TECRL: variants seen among roughly 807,000 people sequenced by gnomAD.
The protein encoded by TECRL is trans-2,3-enoyl-CoA reductase like.
In TECRL, 63 loss-of-function variants were observed where a neutral mutation model predicts 52.8. The observed-to-expected ratio is 1.19, with a 90% CI of 0.97 to 1.47. The LOEUF (loss-of-function observed/expected upper bound fraction) is 1.47, where lower values mean the gene tolerates loss of function less well. Ranked by LOEUF, TECRL falls within the 40% of genes most tolerant of loss-of-function variation. The probability of loss-of-function intolerance (pLI) is 0.00; values close to 1 mark genes in which losing one functional copy is unlikely to be tolerated. For synonymous variants in TECRL, 164 were observed against 141.9 expected (o/e 1.16, Z -1.10); for missense variants, 482 against 429.6 (o/e 1.12, Z -1.08).
intron 2 of TECRL, among the ~76,000 whole-genome samples, chr4:64,333,877 AGCCGGGCGCGGTG>A: frequency 7.6e-6 from 1 of 131,470 alleles, no homozygotes; most frequent in East Asian, 2.1e-4. Flanking sequence ...AAAAAAAATT[AGCCGGGCGCGGTG>A]GCGGGCGCCT....
chr4:64,387,444 A>G (rs1038228950), intron 1 of TECRL, among the ~76,000 whole-genome samples: 4 of 152,142 alleles, frequency 2.6e-5, no homozygotes, highest in Non-Finnish European at 5.9e-5. Flanking sequence ...TGACTGCTGT[A>G]CTGTATGGTA....
intron 2 of TECRL, among the ~76,000 whole-genome samples, chr4:64,370,325 A>G (rs1304512397): frequency 6.6e-6 from 1 of 151,894 alleles, no homozygotes; most frequent in Non-Finnish European, 1.5e-5. Flanking sequence ...TCTCCAAAAA[A>G]AAAGTAGATT....
intron 8 of TECRL, among the ~76,000 whole-genome samples, chr4:64,294,961 A>G (rs1723597292): frequency 6.6e-6 from 1 of 151,938 alleles, no homozygotes; most frequent in African/African-American, 2.4e-5. Flanking sequence ...GCTTTTGACA[A>G]TATAAGCCAG....
At chr4:64,332,905 G>A (rs866692182) in intron 2 of TECRL, among the ~76,000 whole-genome samples, 10 of 152,104 alleles carry the variant, frequency 6.6e-5, no homozygotes, top group African/African-American at 2.4e-4. Context: ...GAATAAAAAA[G>A]TTAAAGAAAA....
rs559122697 is a variant in TECRL at position 64,281,800 on chromosome 4, C to A, written c.833-241G>T. Reference sequence around the variant, plus strand: ...TGTCTACAGCTATGTTGCTGTAACACTGCAGAGTACATAAGGATAATCAAT... The same window carrying A: ...TGTCTACAGCTATGTTGCTGTAACAATGCAGAGTACATAAGGATAATCAAT... On this transcript the variant is annotated intron_variant, in intron 9 of 11. Coordinates refer to ENST00000381210, the MANE Select transcript of TECRL (RefSeq NM_001010874.5). Among the ~76,000 whole-genome samples, 8 of 151,956 alleles carry A rather than the reference C, an allele frequency of 5.3e-5. No homozygotes were observed. In the East Asian group the frequency reaches 1.3e-3, roughly 26 times the overall value.
At position 64,344,271 on chromosome 4, in the gene TECRL, ATATC is replaced by A. The variant is rs544948392; in HGVS notation, c.287-15719_287-15716del. On this transcript the variant is annotated intron_variant, in intron 2 of 11. Coordinates refer to ENST00000381210, the MANE Select transcript of TECRL (RefSeq NM_001010874.5). ...TTATATCTCTATATAACCTATGTCT[ATATC>A]TATCTATAAGATTCTATATCTATAC... Among the ~76,000 whole-genome samples, 646 of 152,184 alleles carry A rather than the reference ATATC, an allele frequency of 4.2e-3. 2 individuals are homozygous for A. The highest frequency in any genetic ancestry group is 7.1e-3 in the Non-Finnish European group (483 of 67,962).
chr4:64,385,639 G>C (rs763022850), intron 1 of TECRL, among the ~76,000 whole-genome samples: 1 of 152,102 alleles, frequency 6.6e-6, no homozygotes, highest in Non-Finnish European at 1.5e-5. Flanking sequence ...TGCAGGGGTT[G>C]TTGGGCCCCA....
At chr4:64,386,074 T>C (rs1658761900) in intron 1 of TECRL, among the ~76,000 whole-genome samples, 1 of 152,160 alleles carries the variant, frequency 6.6e-6, no homozygotes, top group South Asian at 2.1e-4. Context: ...CAGGTGCCTC[T>C]AGTCAGCCAT....
At position 64,343,133 on chromosome 4, in the gene TECRL, T is replaced by G. The variant is rs142124522; in HGVS notation, c.287-14577A>C. Reference sequence around the variant, plus strand: ...ATGAAAATGTGTGTAAGAATGAGTTTCCAGTGCTTAAATTAACAAAGATAA... The same window carrying G: ...ATGAAAATGTGTGTAAGAATGAGTTGCCAGTGCTTAAATTAACAAAGATAA... On this transcript the variant is annotated intron_variant, in intron 2 of 11. Transcript: ENST00000381210. Among the ~76,000 whole-genome samples the G allele has an allele frequency of 2.9e-4, 44 of 152,242 alleles. No homozygotes were observed. The East Asian group carries it at 8.1e-3, about 28-fold the overall frequency.
chr4:64,305,304 T>C, intron 6 of TECRL, 66 bp from the exon 7 acceptor site: 1 of 1,413,582 alleles, frequency 7.1e-7, no homozygotes, highest in Non-Finnish European at 9.9e-7. Context: ...AATTGTGACA[T>C]ACATTTATAT....
At chr4:64,384,252 T>G (rs974136) in intron 1 of TECRL, among the ~76,000 whole-genome samples, 136,076 of 152,014 alleles carry the variant, frequency 0.9, 61,627 homozygotes, top group East Asian at 1. Flanking sequence ...ATTCAGCTGG[T>G]TAGGCAGGTG....
At chr4:64,311,866 A>G (rs1474229427) in intron 5 of TECRL, among the ~76,000 whole-genome samples, 2 of 152,158 alleles carry the variant, frequency 1.3e-5, no homozygotes, top group African/African-American at 2.4e-5. Context: ...AATCTTATTT[A>G]TTTTAAATCA....
intron 3 of TECRL, among the ~76,000 whole-genome samples, chr4:64,326,722 G>A (rs1422531523): frequency 1.3e-5 from 2 of 152,080 alleles, no homozygotes; most frequent in African/African-American, 4.8e-5. Flanking sequence ...TCCAAGTTCA[G>A]CTAAATATAG....
intron 1 of TECRL, among the ~76,000 whole-genome samples, chr4:64,393,911 T>A (rs556039802): frequency 2.6e-4 from 40 of 152,016 alleles, no homozygotes; most frequent in Non-Finnish European, 4.9e-4. Flanking sequence ...AAATAAAATG[T>A]TACATACATA....
At chr4:64,397,896 A>ATTG (rs1491286139) in intron 1 of TECRL, 1 of 68,464 alleles carries the variant, frequency 1.5e-5, no homozygotes, top group African/African-American at 4.1e-5. Context: ...TAGGAAAGAA[A>ATTG]TATGTGTGTG....
chr4:64,398,405 G>A (rs1724114237), intron 1 of TECRL, among the ~76,000 whole-genome samples: 1 of 152,112 alleles, frequency 6.6e-6, no homozygotes, highest in Admixed American at 6.6e-5. Flanking sequence ...TCATTCTCTT[G>A]GTACTGTCCT....
intron 8 of TECRL, among the ~76,000 whole-genome samples, chr4:64,290,985 T>C (rs1336705183): frequency 6.6e-6 from 1 of 152,056 alleles, no homozygotes; most frequent in Non-Finnish European, 1.5e-5. Flanking sequence ...AAAGACAAAG[T>C]GGAATTTTGA....
chr4:64,316,265 C>T (rs1009438574), intron 4 of TECRL, among the ~76,000 whole-genome samples: 32 of 152,028 alleles, frequency 2.1e-4, no homozygotes, highest in African/African-American at 7.0e-4. Flanking sequence ...GAAGTTTCTT[C>T]GCATGAGAGG....
At chr4:64,289,587 A>C in intron 9 of TECRL, 123 bp downstream of exon 9, 4 of 745,414 alleles carry the variant, frequency 5.4e-6, no homozygotes, top group Non-Finnish European at 6.3e-6. Context: ...AAAGGGAAAA[A>C]ATGTGGCACA....
Sources: allele counts gnomAD v4.1 joint callset (sites outside exome capture counted in the v4.1 genomes callset), GRCh38; gene constraint gnomAD v4.1.1; transcripts MANE v1.5; gene names NCBI Gene and HGNC (gene_info 2026-07-23, HGNC 2026-07-21).